PPFIA2: variants seen among roughly 807,000 people sequenced by gnomAD.
PPFIA2 encodes PPFI scaffold protein A2.
Under a neutral mutation model 175.5 loss-of-function variants are expected in PPFIA2, and 46 were observed. The observed-to-expected ratio is 0.26, with a 90% confidence interval of 0.21 to 0.34. The LOEUF is 0.34. Among genes scored for constraint, PPFIA2 ranks in the 10% least tolerant of loss-of-function variants. The pLI is 1.00. For missense variants in PPFIA2, 1,179 were observed against 1,506.1 expected (o/e 0.78, Z 3.60); for synonymous variants, 568 against 511.4 (o/e 1.11, Z -1.49).
intron 7 of PPFIA2, among the ~76,000 whole-genome samples, chr12:81,431,655 T>A (rs2048114869): frequency 6.6e-6 from 1 of 152,206 alleles, no homozygotes; most frequent in African/African-American, 2.4e-5. Context: ...TCTGACACTG[T>A]CCCCTTGATT....
intron 21 of PPFIA2, among the ~76,000 whole-genome samples, chr12:81,331,456 T>G (rs1396080114): frequency 6.6e-6 from 1 of 152,216 alleles, no homozygotes; most frequent in Non-Finnish European, 1.5e-5. Flanking sequence ...TGTGAAATGA[T>G]GCTGGTGTAC....
rs551272339 is a variant in PPFIA2 at position 81,663,383 on chromosome 12, T to C, written c.303+13408A>G. On this transcript the variant is annotated intron_variant, in intron 4 of 32. Coordinates refer to ENST00000549396, the MANE Select transcript of PPFIA2 (RefSeq NM_003625.5). ...AATCTGCAAAAATCACAAACATTCTTATACACCAATAACAGACAAACAGAG... is the reference window on the plus strand; with the variant it reads ...AATCTGCAAAAATCACAAACATTCTCATACACCAATAACAGACAAACAGAG... 3.9e-4 allele frequency among the ~76,000 whole-genome samples: 60 copies of C among 152,240 alleles called. 2 individuals are homozygous for C. The South Asian group carries it at 0.012, about 31-fold the overall frequency.
At chr12:81,299,420 G>GA in intron 22 of PPFIA2, 38 bp from the exon 23 acceptor site, 1 of 1,535,358 alleles carries the variant, frequency 6.5e-7, no homozygotes, top group Middle Eastern at 1.7e-4. Flanking sequence ...CAGGTATATG[G>GA]AAAAATATGG....
intron 2 of PPFIA2, among the ~76,000 whole-genome samples, chr12:81,757,167 T>C (rs140225471): frequency 2.4e-4 from 36 of 152,304 alleles, no homozygotes; most frequent in African/African-American, 8.7e-4. Flanking sequence ...TAAAGATATA[T>C]ATTCAATATA....
rs2042763522 is a variant in PPFIA2, at chr12:81,284,259, A to C, written c.2970T>G (p.Leu990=). ...GACTAACCGTTTTTGCTGGAGCTGC[A>C]AGATTTTCCATTTCTTCATGAGTCA... The part of the protein sequence containing the change: ...VWVTHEEMEN[L]AAPAKTKESE... The change falls in exon 25 of 33, where the codon CTT becomes CTG. Residue 990 remains leucine, a synonymous_variant. Transcript: ENST00000549396. 1 of 1,597,322 alleles carries C rather than the reference A, an allele frequency of 6.3e-7. No individual in the cohort carries two copies. The highest frequency in any genetic ancestry group is 1.7e-5 in the Admixed American group (1 of 59,168).
chr12:81,741,503 A>T (rs951120180), intron 3 of PPFIA2, among the ~76,000 whole-genome samples: 5 of 152,206 alleles, frequency 3.3e-5, no homozygotes, highest in Non-Finnish European at 7.3e-5. Flanking sequence ...TATGAACCAA[A>T]TATAAAAGAA....
chr12:81,691,327 T>C (rs1470502032), intron 3 of PPFIA2, among the ~76,000 whole-genome samples: 1 of 152,166 alleles, frequency 6.6e-6, no homozygotes, highest in Non-Finnish European at 1.5e-5. Flanking sequence ...CCTAACTCTC[T>C]TAGCATAGGT....
At chr12:81,532,970 T>TTC (rs1391933733) in intron 4 of PPFIA2, among the ~76,000 whole-genome samples, 2 of 151,628 alleles carry the variant, frequency 1.3e-5, no homozygotes, top group African/African-American at 4.8e-5. Flanking sequence ...TCATTTAATT[T>TTC]TTTTTTGTTA....
intron 3 of PPFIA2, among the ~76,000 whole-genome samples, chr12:81,688,654 A>T (rs947539734): frequency 2.0e-5 from 3 of 151,250 alleles, no homozygotes; most frequent in Non-Finnish European, 4.4e-5. Context: ...GTAAGAGGGA[A>T]GAATAAAATA....
At chr12:81,669,239 T>C (rs2070954047) in intron 4 of PPFIA2, among the ~76,000 whole-genome samples, 1 of 152,038 alleles carries the variant, frequency 6.6e-6, no homozygotes, top group African/African-American at 2.4e-5. Context: ...TCATTTTTAC[T>C]ACCACTACTA....
In PPFIA2 at chr12:81,287,347, T is replaced by G. The variant is rs530180949; in HGVS notation, c.2926-3044A>C. Among the ~76,000 whole-genome samples the G allele has an allele frequency of 2.0e-5, 3 of 152,068 alleles. No individual in the cohort carries two copies. The South Asian group carries it at 6.2e-4, about 32-fold the overall frequency. On this transcript the variant is annotated intron_variant, in intron 24 of 32. Transcript: ENST00000549396. ...TACATGCATAGTATCTTTCACAGAT[T>G]ATCTTTAAGTCTGTGTCTGCCAGTC...
At chr12:81,443,845 CTTTTTTT>C (rs1183160145) in intron 6 of PPFIA2, among the ~76,000 whole-genome samples, 8 of 71,162 alleles carry the variant, frequency 1.1e-4, no homozygotes, top group South Asian at 4.6e-4. Context: ...GCCAACCTTT[CTTTTTTT>C]TTTTTTTTTT....
intron 27 of PPFIA2, among the ~76,000 whole-genome samples, chr12:81,280,908 A>C (rs533805745): frequency 1.8e-4 from 15 of 84,404 alleles, no homozygotes; most frequent in Non-Finnish European, 3.5e-4. Context: ...GAAACTATGA[A>C]TTTGTTTATT....
intron 23 of PPFIA2, among the ~76,000 whole-genome samples, chr12:81,295,479 G>A (rs1247343354): frequency 6.6e-6 from 1 of 152,164 alleles, no homozygotes; most frequent in Non-Finnish European, 1.5e-5. Context: ...CGAGACAGCT[G>A]TGCCACATCC....
intron 4 of PPFIA2, among the ~76,000 whole-genome samples, chr12:81,662,567 C>A (rs1050051020): frequency 6.6e-6 from 1 of 152,042 alleles, no homozygotes; most frequent in Admixed American, 6.5e-5. Context: ...TAATAGCTTA[C>A]CAACCAAAAA....
intron 4 of PPFIA2, among the ~76,000 whole-genome samples, chr12:81,637,236 ATT>A (rs71098156): frequency 3.0e-5 from 2 of 65,898 alleles, no homozygotes; most frequent in Non-Finnish European, 5.3e-5. Flanking sequence ...CGCCAGGCTA[ATT>A]TTTTTTTTTT....
chr12:81,294,770 T>G, intron 24 of PPFIA2, 65 bp downstream of exon 24: 1 of 1,498,934 alleles, frequency 6.7e-7, no homozygotes, highest in Non-Finnish European at 9.2e-7. Flanking sequence ...AATTTTGCTC[T>G]GTAGACTTAG....
At chr12:81,267,292 T>A (rs750455665) in intron 29 of PPFIA2, 1 of 482,980 alleles carries the variant, frequency 2.1e-6, no homozygotes, top group Non-Finnish European at 3.9e-6. Context: ...TATATTTCAA[T>A]TGAGTATTTT....
intron 3 of PPFIA2, among the ~76,000 whole-genome samples, chr12:81,707,931 C>T (rs2077405144): frequency 6.8e-6 from 1 of 148,070 alleles, no homozygotes; most frequent in South Asian, 2.1e-4. Flanking sequence ...AACAAAAAAC[C>T]AAACATCACA....
Sources: gnomAD v4.1 joint callset for allele counts (sites outside exome capture counted in the v4.1 genomes callset) on GRCh38, gnomAD v4.1.1 for gene constraint, MANE v1.5 for transcripts, NCBI Gene and HGNC (gene_info 2026-07-23, HGNC 2026-07-21) for gene names.